LRRC63: variants seen among roughly 807,000 people sequenced by gnomAD.
LRRC63 encodes the protein leucine rich repeat containing 63.
In LRRC63, 40 loss-of-function variants were observed where a neutral mutation model predicts 49.5. That is an observed-to-expected ratio of 0.81 (90% CI 0.63 to 1.05). The LOEUF (loss-of-function observed/expected upper bound fraction) is 1.05. LRRC63 is among the 50% of genes least tolerant of loss of function. The pLI, the probability that LRRC63 is intolerant of heterozygous loss-of-function variation, is 0.00. For synonymous variants in LRRC63, 191 were observed against 221.1 expected (o/e 0.86, Z 1.21); for missense variants, 636 against 663.1 (o/e 0.96, Z 0.45).
intron 5 of LRRC63, among the ~76,000 whole-genome samples, chr13:46,236,384 T>C (rs936982179): frequency 8.5e-5 from 13 of 152,108 alleles, no homozygotes; most frequent in African/African-American, 3.1e-4. Flanking sequence ...AATCTAATTG[T>C]CAAAAGCCAA....
intron 4 of LRRC63, among the ~76,000 whole-genome samples, chr13:46,230,968 T>C (rs937112652): frequency 1.3e-5 from 2 of 152,216 alleles, no homozygotes; most frequent in South Asian, 2.1e-4. Context: ...AGGACATGAA[T>C]AGAATTTAGC....
intron 9 of LRRC63, chr13:46,270,356 GA>G (rs746031056): frequency 1.2e-6 from 1 of 867,032 alleles, no homozygotes; most frequent in Admixed American, 1.7e-5. Context: ...GTTTCTAACA[GA>G]ACTTGCACCT....
chr13:46,269,033 G>A lies in LRRC63; in HGVS notation c.1550+2061G>A, dbSNP rs114087405. ...GTAAAGAAGGCTGAAATAAATGGAA[G>A]AGTTATAGATATTTAGGGATAATAA... On this transcript the variant is annotated intron_variant, in intron 9 of 9. Transcript: ENST00000595396. Among the ~76,000 whole-genome samples, 1,377 of 152,132 alleles carry A rather than the reference G, an allele frequency of 9.1e-3. 22 individuals are homozygous for A. The highest frequency in any genetic ancestry group is 0.031 in the African/African-American group (1,299 of 41,520).
intron 4 of LRRC63, among the ~76,000 whole-genome samples, chr13:46,230,264 G>A (rs1247010131): frequency 2.6e-5 from 4 of 152,144 alleles, no homozygotes; most frequent in Admixed American, 1.3e-4. Flanking sequence ...TCATTCAAAA[G>A]TGCAAAGTCT....
intron 2 of LRRC63, among the ~76,000 whole-genome samples, chr13:46,221,443 C>T (rs1276819755): frequency 1.3e-5 from 2 of 152,028 alleles, no homozygotes; most frequent in African/African-American, 4.8e-5. Context: ...TTTTTATATC[C>T]CAAACTAAGA....
chr13:46,234,270 G>A (rs888458873), exon 5 of LRRC63: 9 of 1,550,200 alleles, frequency 5.8e-6, no homozygotes, highest in East Asian at 2.4e-5. Context: ...GCAGCAACAC[G>A]ATATGAAACA....
chr13:46,228,088 A>C, exon 3 of LRRC63: 1 of 1,550,870 alleles, frequency 6.4e-7, no homozygotes, highest in Non-Finnish European at 8.7e-7. Flanking sequence ...GAACATTTTA[A>C]ATCAACTGCT....
At position 46,245,885 on chromosome 13, in the gene LRRC63, G is replaced by A. The variant is rs142097056; in HGVS notation, c.991-642G>A. On this transcript the variant is annotated intron_variant, in intron 5 of 9. Coordinates refer to ENST00000595396, the Ensembl canonical transcript of LRRC63. ...ATTGATTGAAATAATTCTGTCACACGTGTAATACTACACTTATCACATACA... is the reference window on the plus strand; with the variant it reads ...ATTGATTGAAATAATTCTGTCACACATGTAATACTACACTTATCACATACA... 7.3e-3 allele frequency among the ~76,000 whole-genome samples: 1,108 copies of A among 152,254 alleles called. 9 individuals are homozygous for A. The highest frequency in any genetic ancestry group is 0.025 in the African/African-American group (1,038 of 41,542).
chr13:46,239,336 C>T (rs938847365), intron 5 of LRRC63, among the ~76,000 whole-genome samples: 2 of 152,060 alleles, frequency 1.3e-5, no homozygotes, highest in African/African-American at 4.8e-5. Context: ...ATAAAAATAA[C>T]CATCAGAAAC....
intron 5 of LRRC63, among the ~76,000 whole-genome samples, chr13:46,237,154 C>G (rs1297379097): frequency 1.3e-5 from 2 of 152,014 alleles, no homozygotes; most frequent in African/African-American, 4.8e-5. Context: ...CCAACAATGA[C>G]AAAACATTCT....
At chr13:46,224,749 T>C (rs991783766) in intron 2 of LRRC63, among the ~76,000 whole-genome samples, 7 of 152,244 alleles carry the variant, frequency 4.6e-5, no homozygotes, top group African/African-American at 1.7e-4. Flanking sequence ...AAGATGTATC[T>C]GTGGTGTTGG....
intron 2 of LRRC63, among the ~76,000 whole-genome samples, chr13:46,222,224 CT>C (rs1466966811): frequency 2.0e-5 from 3 of 151,316 alleles, no homozygotes; most frequent in African/African-American, 7.3e-5. Flanking sequence ...TTTTTTTTTC[CT>C]GTTGAGTTGT....
intron 2 of LRRC63, among the ~76,000 whole-genome samples, chr13:46,220,872 G>A (rs1372918744): frequency 6.6e-6 from 1 of 152,088 alleles, no homozygotes; most frequent in Non-Finnish European, 1.5e-5. Flanking sequence ...GGAGCTCCCG[G>A]ACCCCTTATG....
chr13:46,271,722 A>G (rs915124696), intron 9 of LRRC63, among the ~76,000 whole-genome samples: 3 of 60,898 alleles, frequency 4.9e-5, no homozygotes, highest in Non-Finnish European at 1.1e-4. Flanking sequence ...CATTTAAACT[A>G]AAAAAAAAAA....
chr13:46,252,786 A>G (rs1406817188), intron 7 of LRRC63, among the ~76,000 whole-genome samples: 1 of 152,058 alleles, frequency 6.6e-6, no homozygotes, highest in African/African-American at 2.4e-5. Flanking sequence ...GAAGCAGCAT[A>G]TATAACATGA....
chr13:46,234,433 A>G, intron 5 of LRRC63, 84 bp downstream of exon 5: 1 of 1,348,266 alleles, frequency 7.4e-7, no homozygotes, highest in Non-Finnish European at 1.0e-6. Flanking sequence ...ATTAGTTTCC[A>G]TGGTATTGAG....
chr13:46,262,669 G>A (rs1384235487), intron 8 of LRRC63, among the ~76,000 whole-genome samples: 1 of 151,560 alleles, frequency 6.6e-6, no homozygotes, highest in Non-Finnish European at 1.5e-5. Flanking sequence ...TTCAGATCTT[G>A]TTTTATGTTC....
At chr13:46,234,907 G>C (rs1013769227) in intron 5 of LRRC63, among the ~76,000 whole-genome samples, 1 of 152,048 alleles carries the variant, frequency 6.6e-6, no homozygotes, top group Non-Finnish European at 1.5e-5. Context: ...CAAAATCAAT[G>C]CTTTTTTATT....
intron 7 of LRRC63, among the ~76,000 whole-genome samples, chr13:46,258,613 T>G (rs183400479): frequency 0.014 from 2,165 of 150,494 alleles, 23 homozygotes; most frequent in Non-Finnish European, 0.022. Flanking sequence ...ATCGAGACCA[T>G]CCTGGCCAAC....
Sources: allele counts gnomAD v4.1 joint callset (sites outside exome capture counted in the v4.1 genomes callset), GRCh38; gene constraint gnomAD v4.1.1; transcripts MANE v1.5; gene names NCBI Gene and HGNC (gene_info 2026-07-23, HGNC 2026-07-21).